Variants in CFAP57 observed in about 807,000 individuals in gnomAD.
The protein encoded by CFAP57 is cilia and flagella associated protein 57.
A neutral mutation model predicts 146.8 loss-of-function variants in CFAP57; 116 were observed. The observed-to-expected ratio is 0.79, with a 90% CI of 0.68 to 0.92. CFAP57 has a LOEUF of 0.92. Ranked by LOEUF, CFAP57 falls within the 40% of genes least tolerant of loss-of-function variation. The pLI, the probability that CFAP57 is intolerant of heterozygous loss-of-function variation, is 0.00. For synonymous variants in CFAP57, 518 were observed against 552.8 expected (o/e 0.94, Z 0.88); for missense variants, 1,377 against 1,527.2 (o/e 0.90, Z 1.64).
At chr1:43,253,126 A>G (rs1017437402) in intron 22 of CFAP57, among the ~76,000 whole-genome samples, 1 of 152,220 alleles carries the variant, frequency 6.6e-6, no homozygotes, top group Non-Finnish European at 1.5e-5. Flanking sequence ...GGACAGGGCA[A>G]CTAGAACACT....
intron 12 of CFAP57, among the ~76,000 whole-genome samples, chr1:43,216,613 A>G (rs1644842128): frequency 6.6e-6 from 1 of 152,160 alleles, no homozygotes; most frequent in Non-Finnish European, 1.5e-5. Context: ...TGACTTGTGC[A>G]TATACCGCTC....
intron 13 of CFAP57, among the ~76,000 whole-genome samples, chr1:43,219,913 C>T (rs935005654): frequency 4.6e-5 from 7 of 151,938 alleles, no homozygotes; most frequent in African/African-American, 1.5e-4. Context: ...GAGCTGAGAT[C>T]GCTCCACAGC....
At chr1:43,251,878 G>C (rs925733800) in intron 22 of CFAP57, among the ~76,000 whole-genome samples, 2 of 152,148 alleles carry the variant, frequency 1.3e-5, no homozygotes, top group Non-Finnish European at 2.9e-5. Flanking sequence ...AAGAGGCAAC[G>C]TAAGTACATT....
At position 43,238,279 on chromosome 1, in the gene CFAP57, G is replaced by C. The variant is rs554054971; in HGVS notation, c.3405+3641G>C. 4.5e-4 allele frequency among the ~76,000 whole-genome samples: 68 copies of C among 152,310 alleles called. No homozygotes were observed. Among genetic ancestry groups the C allele is most frequent in the Non-Finnish European group, 2.2e-4 (15 of 68,022 alleles). On this transcript the variant is annotated intron_variant, in intron 21 of 22. Coordinates refer to ENST00000372492, the MANE Select transcript of CFAP57 (RefSeq NM_001378189.1). This position sits in a 1 kb window ranked among gnomAD's most constrained non-coding sequence, Gnocchi z 4.3. ...GCATCGACTCAGGCCATGCCATTAG[G>C]GGGTGCTGTAGGCATTCCCTTCTCT...
chr1:43,196,673 C>T (rs937821593), intron 6 of CFAP57: 1 of 152,192 alleles, frequency 6.6e-6, no homozygotes, highest in African/African-American at 2.4e-5. Context: ...GTTCCAGAAA[C>T]AATGCCTCTG....
chr1:43,194,145 T>C (rs1643718903), intron 6 of CFAP57, among the ~76,000 whole-genome samples: 1 of 152,050 alleles, frequency 6.6e-6, no homozygotes, highest in African/African-American at 2.4e-5. Context: ...GTAAGTCATA[T>C]CTGCTAGCAA....
chr1:43,206,222 A>T (rs1196864274), intron 9 of CFAP57: 2 of 155,920 alleles, frequency 1.3e-5, no homozygotes, highest in African/African-American at 4.8e-5. Flanking sequence ...CAGCCTCCCA[A>T]AGTGTTGGGA....
At chr1:43,173,086 G>A (rs936872556) in intron 2 of CFAP57, among the ~76,000 whole-genome samples, 176 bp downstream of exon 2, 2 of 152,130 alleles carry the variant, frequency 1.3e-5, no homozygotes, top group Admixed American at 6.5e-5. Flanking sequence ...AATCAGTCAC[G>A]CATATGTAGT....
At chr1:43,219,769 G>A (rs1644973160) in intron 13 of CFAP57, 1 of 419,468 alleles carries the variant, frequency 2.4e-6, no homozygotes, top group East Asian at 5.4e-5. Flanking sequence ...TTGAGGTCAG[G>A]AGTTCAAGAC....
chr1:43,217,514 G>C (rs1273257001), intron 12 of CFAP57, among the ~76,000 whole-genome samples: 1 of 152,142 alleles, frequency 6.6e-6, no homozygotes, highest in Non-Finnish European at 1.5e-5. Flanking sequence ...AGAGAAGCAA[G>C]ACAGGCCAAG....
Position 43,233,277 on chromosome 1 carries a change from T to G in CFAP57, c.3126+653T>G, listed in dbSNP as rs1645547202. Among the ~76,000 whole-genome samples the G allele has an allele frequency of 2.0e-5, 3 of 152,214 alleles. 1 individual carries two copies. In the Middle Eastern group the frequency reaches 0.01, roughly 518 times the overall value. ...AGGCCGAGGCAGGTGGATCACGAGGTCAGGAGTTCGAGACCAGCCTGGCCA... is the reference window on the plus strand; with the variant it reads ...AGGCCGAGGCAGGTGGATCACGAGGGCAGGAGTTCGAGACCAGCCTGGCCA... On this transcript the variant is annotated intron_variant, in intron 19 of 22. Transcript: ENST00000372492.
chr1:43,194,059 C>G (rs2124391980), intron 6 of CFAP57, among the ~76,000 whole-genome samples: 1 of 152,114 alleles, frequency 6.6e-6, no homozygotes, highest in Non-Finnish European at 1.5e-5. Flanking sequence ...TACCAGTGCT[C>G]TTTGTTTTGT....
At chr1:43,228,338 T>C (rs1208150302) in intron 18 of CFAP57, among the ~76,000 whole-genome samples, 1 of 152,262 alleles carries the variant, frequency 6.6e-6, no homozygotes, top group Non-Finnish European at 1.5e-5. Context: ...CTGGCTTCTT[T>C]GCATCTTTCA....
At position 43,222,234 on chromosome 1, in the gene CFAP57, TG is replaced by T; in HGVS notation, c.2473del (p.Glu825ArgfsTer3). 1 of 1,501,382 alleles carries T rather than the reference TG, an allele frequency of 6.7e-7. No homozygotes were observed. The highest frequency in any genetic ancestry group is 1.3e-5 in the South Asian group (1 of 75,720). The allele number at this position is 1,501,382 out of a possible 1,614,324, so 93.0% of individuals were successfully genotyped here. A position where few individuals can be genotyped will look rare whatever the true frequency, so the allele number is the denominator to read the frequency against. Reference sequence around the variant, plus strand: ...AACGATGAGACCAAGAGCCAGGCCCTGGAGGAGCTGACTGAGTTTTACGAGG... The same window carrying T: ...AACGATGAGACCAAGAGCCAGGCCCTGAGGAGCTGACTGAGTTTTACGAGG... ...RDNDETKSQA[L>X]EELTEFYEAK... On this transcript the variant is annotated frameshift_variant, in exon 15 of 23. Coordinates refer to ENST00000372492, the MANE Select transcript of CFAP57 (RefSeq NM_001378189.1). LOFTEE classifies it high-confidence loss of function.
Position 43,181,863 on chromosome 1 carries a change from G to A in CFAP57, c.474+13G>A. On this transcript the variant is annotated intron_variant, in intron 3 of 22. Coordinates refer to ENST00000372492, the MANE Select transcript of CFAP57 (RefSeq NM_001378189.1). The stretch of plus-strand genomic sequence containing the variant: ...CCCTGTCTACCAGGTACCTAGTAGT[G>A]TGACAAGTATCGTGAAAATTATAAA... 1 of 1,612,778 alleles carries A rather than the reference G, an allele frequency of 6.2e-7. No homozygotes were observed. Among genetic ancestry groups the A allele is most frequent in the Admixed American group, 1.7e-5 (1 of 60,032 alleles).
rs1040525286 is a variant in CFAP57 at position 43,201,454 on chromosome 1, G to T, written c.1542+1951G>T. Among the ~76,000 whole-genome samples, 5 of 152,220 alleles carry T rather than the reference G, an allele frequency of 3.3e-5. No homozygotes were observed. The highest frequency in any genetic ancestry group is 2.6e-4 in the Admixed American group (4 of 15,288). ...GATCATTGGAAGGAAAAGTAAAAAT[G>T]TGTGGAAAGTGAAAGTGCTATGTAA... On this transcript the variant is annotated intron_variant, in intron 9 of 22. Transcript: ENST00000372492. This position sits in a 1 kb window ranked among gnomAD's most constrained non-coding sequence, Gnocchi z 4.4.
chr1:43,194,523 A>G (rs1365198158), intron 6 of CFAP57, among the ~76,000 whole-genome samples: 1 of 152,144 alleles, frequency 6.6e-6, no homozygotes, highest in Non-Finnish European at 1.5e-5. Flanking sequence ...ATTATTTATG[A>G]AAATGTTTTT....
Position 43,222,828 on chromosome 1 carries a change from A to C in CFAP57, c.2537A>C (p.Gln846Pro). The change falls in exon 16 of 23, where the codon CAG becomes CCG. Residue 846 changes from glutamine (Q) to proline (P), a missense_variant. Transcript: ENST00000372492. ...QEKTTLLEEA[Q>P]EDVRQQLREF... ...CGCCCACTCTCTCTGAGCCAGGCAC[A>C]GGAAGACGTCAGGCAGCAGCTGCGG... The C allele has an allele frequency of 6.5e-7, 1 of 1,541,128 alleles. No homozygotes were observed. Among genetic ancestry groups the C allele is most frequent in the Non-Finnish European group, 8.8e-7 (1 of 1,142,220 alleles).
At chr1:43,223,113 C>A in intron 16 of CFAP57, 116 bp downstream of exon 16, 1 of 1,164,186 alleles carries the variant, frequency 8.6e-7, no homozygotes, top group African/African-American at 1.6e-5. Flanking sequence ...TCCCCATCTT[C>A]AGCGAGCAGG....
Sources: gnomAD v4.1 joint callset for allele counts (sites outside exome capture counted in the v4.1 genomes callset) on GRCh38, gnomAD v4.1.1 for gene constraint, Gnocchi (gnomAD v3.1) non-coding constraint, MANE v1.5 for transcripts, NCBI Gene and HGNC (gene_info 2026-07-23, HGNC 2026-07-21) for gene names.